SIL1: variants seen among roughly 807,000 people sequenced by gnomAD.
SIL1 encodes nucleotide exchange factor SIL1.
Under a neutral mutation model 49.1 loss-of-function variants are expected in SIL1, and 40 were observed. That is an observed-to-expected ratio of 0.81 (90% confidence interval 0.63 to 1.06). The LOEUF (loss-of-function observed/expected upper bound fraction) is 1.06, where lower values mean the gene tolerates loss of function less well. SIL1 is among the 50% of genes least tolerant of loss of function. The probability of loss-of-function intolerance (pLI) is 0.00; values close to 1 mark genes in which losing one functional copy is unlikely to be tolerated. For synonymous variants in SIL1, 253 were observed against 250.8 expected (o/e 1.01, Z -0.08); for missense variants, 500 against 572.6 (o/e 0.87, Z 1.29).
chr5:139,089,577 G>GTCCATACAATGGTATC (rs1448907913), intron 3 of SIL1, among the ~76,000 whole-genome samples: 3 of 152,126 alleles, frequency 2.0e-5, no homozygotes, highest in Admixed American at 6.5e-5. Flanking sequence ...AAACAAATTT[G>GTCCATACAATGGTATC]TCCATACAAT....
At chr5:138,987,582 C>T (rs553016086) in intron 7 of SIL1, among the ~76,000 whole-genome samples, 61 of 152,326 alleles carry the variant, frequency 4.0e-4, no homozygotes, top group African/African-American at 1.4e-3. Flanking sequence ...AACCCTCACA[C>T]TCCTCTAAAG....
intron 3 of SIL1, among the ~76,000 whole-genome samples, chr5:139,064,448 G>A (rs768446225): frequency 2.0e-5 from 3 of 152,178 alleles, no homozygotes; most frequent in Admixed American, 6.5e-5. Context: ...AGAGACGGCA[G>A]TCATATAAAC....
intron 5 of SIL1, chr5:139,035,229 A>C: frequency 2.2e-6 from 1 of 452,310 alleles, no homozygotes; most frequent in Non-Finnish European, 4.3e-6. Flanking sequence ...ACTGCAGCCC[A>C]CAAACTGAGC....
At chr5:139,126,248 T>C (rs770905518) in intron 2 of SIL1, among the ~76,000 whole-genome samples, 4 of 152,252 alleles carry the variant, frequency 2.6e-5, no homozygotes, top group Non-Finnish European at 4.4e-5. Flanking sequence ...GCAGCTTCTG[T>C]TGATGAAAGT....
chr5:138,999,497 A>T (rs192093853), intron 7 of SIL1, among the ~76,000 whole-genome samples: 4 of 151,958 alleles, frequency 2.6e-5, no homozygotes, highest in African/African-American at 9.6e-5. Flanking sequence ...CTATCTGTGT[A>T]AAAAAAATGA....
intron 1 of SIL1, among the ~76,000 whole-genome samples, chr5:139,129,390 A>G (rs577260386): frequency 9.8e-5 from 15 of 152,348 alleles, no homozygotes; most frequent in Non-Finnish European, 1.3e-4. Context: ...CACAAGTGTA[A>G]GAGTGAAGTT....
At chr5:139,059,326 A>G (rs909457682) in intron 3 of SIL1, among the ~76,000 whole-genome samples, 1 of 152,190 alleles carries the variant, frequency 6.6e-6, no homozygotes, top group Non-Finnish European at 1.5e-5. Flanking sequence ...TCCTGCTGCC[A>G]TGTAAAGACA....
chr5:138,997,760 C>T (rs944244729), intron 7 of SIL1, among the ~76,000 whole-genome samples: 2 of 152,094 alleles, frequency 1.3e-5, no homozygotes, highest in African/African-American at 2.4e-5. Context: ...GGTTTCACCA[C>T]GTTGGTCAGA....
At chr5:139,167,461 TG>T (rs1457329855) in intron 1 of SIL1, among the ~76,000 whole-genome samples, 1 of 152,122 alleles carries the variant, frequency 6.6e-6, no homozygotes, top group Admixed American at 6.5e-5. Flanking sequence ...AATGTATTTT[TG>T]TCTTTATTTT....
Position 139,081,742 on chromosome 5 carries a change from G to A in SIL1, c.245-30696C>T, listed in dbSNP as rs183332549. Among the ~76,000 whole-genome samples the A allele has an allele frequency of 2.9e-3, 445 of 152,182 alleles. 1 individual carries two copies. Among genetic ancestry groups the A allele is most frequent in the African/African-American group, 0.01 (426 of 41,522 alleles). On this transcript the variant is annotated intron_variant, in intron 3 of 9. Transcript: ENST00000394817. ...AAAAATACAAAAATTGGCCAGGCACGGTGGCACAAGCCTGTAATCCCAGCT... is the reference window on the plus strand; with the variant it reads ...AAAAATACAAAAATTGGCCAGGCACAGTGGCACAAGCCTGTAATCCCAGCT...
chr5:139,085,624 T>C (rs1388506622), intron 3 of SIL1, among the ~76,000 whole-genome samples: 2 of 152,128 alleles, frequency 1.3e-5, no homozygotes, highest in African/African-American at 4.8e-5. Context: ...GTGAGGTAAC[T>C]GGGAGAATGC....
chr5:139,004,567 G>C (rs1318983874), intron 7 of SIL1, among the ~76,000 whole-genome samples: 1 of 151,920 alleles, frequency 6.6e-6, no homozygotes, highest in African/African-American at 2.4e-5. Flanking sequence ...CTGCACTTTA[G>C]GTAATTTCTT....
At chr5:138,994,728 C>T (rs77434900) in intron 7 of SIL1, among the ~76,000 whole-genome samples, 39 of 152,252 alleles carry the variant, frequency 2.6e-4, no homozygotes, top group Non-Finnish European at 4.9e-4. Flanking sequence ...CCGGGACACA[C>T]GTACAGGACA....
chr5:138,947,783 A>G lies in SIL1; in HGVS notation c.1030-310T>C, dbSNP rs1766669014. On this transcript the variant is annotated intron_variant, in intron 9 of 9. Transcript: ENST00000394817. This position sits in a 1 kb window ranked among gnomAD's most constrained non-coding sequence, Gnocchi z 4.1. ...TTCCCAAATAGCATAAATGTAATCT[A>G]ACAGTGCAGCATGGAGGCAGACAGG... 1.3e-5 allele frequency among the ~76,000 whole-genome samples: 2 copies of G among 152,228 alleles called. No homozygotes were observed. The highest frequency in any genetic ancestry group is 1.3e-4 in the Admixed American group (2 of 15,290).
At chr5:139,177,709 G>T (rs1751913545) in intron 1 of SIL1, among the ~76,000 whole-genome samples, 1 of 152,184 alleles carries the variant, frequency 6.6e-6, no homozygotes, top group Admixed American at 6.5e-5. Context: ...TTAACACTTG[G>T]TCTGGCAGCA....
intron 3 of SIL1, among the ~76,000 whole-genome samples, chr5:139,083,467 A>G (rs1389624599): frequency 7.5e-6 from 1 of 133,564 alleles, no homozygotes; most frequent in African/African-American, 3.0e-5. Flanking sequence ...TTTTGGCTGC[A>G]TAAATGTCTT....
At position 139,104,311 on chromosome 5, in the gene SIL1, TGAA is replaced by T. The variant is rs574248463; in HGVS notation, c.244+16721_244+16723del. Among the ~76,000 whole-genome samples, 342 of 152,304 alleles carry T rather than the reference TGAA, an allele frequency of 2.2e-3. 2 individuals carry two copies. Among genetic ancestry groups the T allele is most frequent in the African/African-American group, 7.9e-3 (330 of 41,562 alleles). Reference sequence around the variant, plus strand: ...CATGGGTGTCCCTGGCTAGCCAGGCTGAAGAAGGGACTCCTTTCTCTTGTTCTA... The same window carrying T: ...CATGGGTGTCCCTGGCTAGCCAGGCTGAAGGGACTCCTTTCTCTTGTTCTA... On this transcript the variant is annotated intron_variant, in intron 3 of 9. Transcript: ENST00000394817.
intron 7 of SIL1, among the ~76,000 whole-genome samples, chr5:138,973,877 G>A (rs759790701): frequency 2.0e-5 from 3 of 152,034 alleles, no homozygotes; most frequent in Admixed American, 6.6e-5. Context: ...GAGCCATCAC[G>A]CCCGGCCCAG....
At chr5:139,145,825 A>G (rs1379197823) in intron 1 of SIL1, among the ~76,000 whole-genome samples, 2 of 152,120 alleles carry the variant, frequency 1.3e-5, no homozygotes, top group African/African-American at 2.4e-5. Flanking sequence ...GTGGCCCACT[A>G]AAGTGGGAGG....
Sources: allele counts gnomAD v4.1 joint callset (sites outside exome capture counted in the v4.1 genomes callset), GRCh38; gene constraint gnomAD v4.1.1; non-coding constraint Gnocchi (gnomAD v3.1); transcripts MANE v1.5; gene names NCBI Gene and HGNC (gene_info 2026-07-23, HGNC 2026-07-21).